Variants in ZFPM2 observed in about 807,000 individuals in gnomAD.
ZFPM2 encodes the protein zinc finger protein ZFPM2.
ZFPM2 carries 20 observed loss-of-function variants against 98.6 expected under a neutral mutation model. That is an observed-to-expected ratio of 0.20 (90% CI 0.14 to 0.29). The LOEUF (loss-of-function observed/expected upper bound fraction) is 0.29. Among genes scored for constraint, ZFPM2 ranks in the 10% least tolerant of loss-of-function variants. ZFPM2 has a pLI of 1.00. For synonymous variants in ZFPM2, 518 were observed against 502.7 expected (o/e 1.03, Z -0.41); for missense variants, 1,310 against 1,388.6 (o/e 0.94, Z 0.90).
At chr8:105,762,175 T>A (rs1468643426) in intron 5 of ZFPM2, among the ~76,000 whole-genome samples, 1 of 152,018 alleles carries the variant, frequency 6.6e-6, no homozygotes, top group Non-Finnish European at 1.5e-5. Context: ...CATAGTCCCT[T>A]TGAAAATCAA....
Position 105,387,686 on chromosome 8 carries a change from C to G in ZFPM2, c.41-31458C>G, listed in dbSNP as rs553130625. 63 of 156,862 alleles carry G rather than the reference C, an allele frequency of 4.0e-4. 1 individual carries two copies. Among genetic ancestry groups the G allele is most frequent in the African/African-American group, 1.3e-3 (56 of 41,650 alleles). 9.7% of individuals were successfully genotyped at this position (156,862 alleles called of 1,614,324 possible). On this transcript the variant is annotated intron_variant, in intron 1 of 7. Transcript: ENST00000407775. ...CCGCGCCTCTACTTCCACACCTCCC[C>G]GCAAGCTGAGGGAGCCGGCTCCGGC... is the stretch of plus-strand genomic sequence containing the variant.
intron 3 of ZFPM2, among the ~76,000 whole-genome samples, chr8:105,503,839 C>T (rs1813644191): frequency 6.6e-6 from 1 of 152,134 alleles, no homozygotes; most frequent in Admixed American, 6.5e-5. Context: ...TAACAATGAC[C>T]TAGAAAACAA....
chr8:105,520,991 T>C (rs138183144), intron 3 of ZFPM2, among the ~76,000 whole-genome samples: 2 of 146,220 alleles, frequency 1.4e-5, no homozygotes, highest in African/African-American at 4.9e-5. Context: ...GTGGTCACAA[T>C]GATGACCAGA....
intron 3 of ZFPM2, among the ~76,000 whole-genome samples, chr8:105,526,739 A>G (rs1044038058): frequency 2.0e-5 from 3 of 152,186 alleles, no homozygotes; most frequent in South Asian, 4.1e-4. Flanking sequence ...ATACTAATTC[A>G]TACATTCCTA....
intron 5 of ZFPM2, among the ~76,000 whole-genome samples, chr8:105,703,487 A>C (rs1018376543): frequency 1.3e-5 from 2 of 152,178 alleles, no homozygotes; most frequent in African/African-American, 4.8e-5. Flanking sequence ...CGAGGTACAC[A>C]AAGTAGAAAG....
intron 2 of ZFPM2, among the ~76,000 whole-genome samples, chr8:105,423,704 C>A (rs1459814471): frequency 1.3e-5 from 2 of 152,070 alleles, no homozygotes; most frequent in Non-Finnish European, 2.9e-5. Context: ...ATTTGTAGAA[C>A]TAAGCAAACC....
intron 3 of ZFPM2, among the ~76,000 whole-genome samples, chr8:105,524,678 C>A (rs1260878643): frequency 6.6e-6 from 1 of 152,082 alleles, no homozygotes; most frequent in African/African-American, 2.4e-5. Context: ...TATCTGTGAT[C>A]AAAGAGACAT....
chr8:105,634,396 T>TA (rs770086994), intron 5 of ZFPM2, 39 bp downstream of exon 5: 203 of 1,515,974 alleles, frequency 1.3e-4, no homozygotes, highest in Non-Finnish European at 1.8e-4. Flanking sequence ...TTGGAAGTAT[T>TA]AAAACCTGAG....
intron 5 of ZFPM2, among the ~76,000 whole-genome samples, chr8:105,649,718 C>T (rs1320786479): frequency 2.6e-5 from 4 of 152,052 alleles, no homozygotes; most frequent in Non-Finnish European, 5.9e-5. Flanking sequence ...GCCTTGCATC[C>T]CAGGGATGAA....
chr8:105,631,155 G>A (rs1398897315), intron 4 of ZFPM2, among the ~76,000 whole-genome samples: 2 of 152,128 alleles, frequency 1.3e-5, no homozygotes, highest in African/African-American at 4.8e-5. Context: ...CCTTGCACAA[G>A]TAGCCTAAAT....
intron 3 of ZFPM2, among the ~76,000 whole-genome samples, chr8:105,489,374 T>TTATATATTTATATATATATATTTTA (rs1813305266): frequency 6.9e-6 from 1 of 145,552 alleles, no homozygotes. Flanking sequence ...AGGTATATAT[T>TTATATATTTATATATATATATTTTA]TATATATTTA....
At chr8:105,782,719 C>G (rs1183879627) in intron 5 of ZFPM2, among the ~76,000 whole-genome samples, 1 of 151,960 alleles carries the variant, frequency 6.6e-6, no homozygotes, top group Non-Finnish European at 1.5e-5. Context: ...TTGATTGAAT[C>G]CAAGGATGCA....
chr8:105,593,911 A>G (rs1436525263), intron 4 of ZFPM2, among the ~76,000 whole-genome samples: 1 of 152,096 alleles, frequency 6.6e-6, no homozygotes, highest in Admixed American at 6.6e-5. Flanking sequence ...AGAGTTTATT[A>G]CTTTAGCTGC....
At chr8:105,631,926 C>T (rs1426890110) in intron 4 of ZFPM2, among the ~76,000 whole-genome samples, 1 of 151,876 alleles carries the variant, frequency 6.6e-6, no homozygotes, top group African/African-American at 2.4e-5. Flanking sequence ...AACTATGAAA[C>T]AGGTTGATTA....
At chr8:105,546,220 G>A (rs181708845) in intron 3 of ZFPM2, among the ~76,000 whole-genome samples, 2 of 152,232 alleles carry the variant, frequency 1.3e-5, no homozygotes, top group East Asian at 3.9e-4. Flanking sequence ...AAATCTGCAT[G>A]TTGAACGAGA....
chr8:105,419,801 A>G (rs1811756539), intron 2 of ZFPM2, among the ~76,000 whole-genome samples: 1 of 151,870 alleles, frequency 6.6e-6, no homozygotes. Context: ...ATAAAAAAAT[A>G]TACATTCTTT....
intron 5 of ZFPM2, among the ~76,000 whole-genome samples, chr8:105,746,178 T>C (rs79835428): frequency 0.1 from 15,109 of 151,772 alleles, 1,142 homozygotes; most frequent in African/African-American, 0.21. Context: ...CTGTGGCTTA[T>C]TCGAGGAAAG....
chr8:105,580,678 A>G (rs1246295199), intron 4 of ZFPM2, among the ~76,000 whole-genome samples: 1 of 152,072 alleles, frequency 6.6e-6, no homozygotes, highest in East Asian at 1.9e-4. Flanking sequence ...TGCAGCACCT[A>G]TAATTAATTA....
intron 2 of ZFPM2, among the ~76,000 whole-genome samples, chr8:105,437,991 C>T (rs557522322): frequency 7.9e-5 from 12 of 151,998 alleles, no homozygotes; most frequent in African/African-American, 2.7e-4. Flanking sequence ...TGCAGTGAGC[C>T]GAGATTGTGC....
Sources: allele counts gnomAD v4.1 joint callset (sites outside exome capture counted in the v4.1 genomes callset), GRCh38; gene constraint gnomAD v4.1.1; transcripts MANE v1.5; gene names NCBI Gene and HGNC (gene_info 2026-07-23, HGNC 2026-07-21).